The following ADGRL2 variants were observed in gnomAD, a reference collection of about 807,000 sequenced individuals.
ADGRL2 encodes calcium-independent alpha-latrotoxin receptor 2.
ADGRL2 carries 44 observed loss-of-function variants against 157.4 expected under a neutral mutation model. That is an observed-to-expected ratio of 0.28 (90% CI 0.22 to 0.36). ADGRL2 has a LOEUF of 0.36. Among genes scored for constraint, ADGRL2 ranks in the 10% least tolerant of loss-of-function variants. The pLI, the probability that ADGRL2 is intolerant of heterozygous loss-of-function variation, is 1.00. For synonymous variants in ADGRL2, 585 were observed against 624.7 expected (o/e 0.94, Z 0.95); for missense variants, 1,510 against 1,768.9 (o/e 0.85, Z 2.63).
At chr1:81,344,102 C>T (rs1393082697) in intron 1 of ADGRL2, among the ~76,000 whole-genome samples, 1 of 152,100 alleles carries the variant, frequency 6.6e-6, no homozygotes, top group African/African-American at 2.4e-5. Context: ...CAGAGTCTCC[C>T]TCTGTTTCCC....
intron 1 of ADGRL2, among the ~76,000 whole-genome samples, chr1:81,805,941 G>A (rs1478124281): frequency 6.6e-6 from 1 of 152,062 alleles, no homozygotes; most frequent in Non-Finnish European, 1.5e-5. Context: ...GGTGCAAAAT[G>A]TAGTGAAAAG....
chr1:81,822,824 T>C (rs1270657068), intron 1 of ADGRL2, among the ~76,000 whole-genome samples: 1 of 152,192 alleles, frequency 6.6e-6, no homozygotes, highest in Non-Finnish European at 1.5e-5. Context: ...ATTATTCTAC[T>C]GGATTTGGGC....
At chr1:81,451,026 A>G (rs1043025455) in intron 2 of ADGRL2, among the ~76,000 whole-genome samples, 3 of 151,752 alleles carry the variant, frequency 2.0e-5, no homozygotes, top group African/African-American at 7.3e-5. Context: ...TTACTTCCTA[A>G]TCTCTTCTCA....
chr1:81,828,476 A>C (rs745699910), intron 1 of ADGRL2, among the ~76,000 whole-genome samples: 4 of 151,956 alleles, frequency 2.6e-5, no homozygotes, highest in African/African-American at 9.7e-5. Context: ...ATTTTTCCTG[A>C]AAGTTTTCTG....
chr1:81,313,599 G>T (rs1179998468), intron 1 of ADGRL2, among the ~76,000 whole-genome samples: 1 of 152,118 alleles, frequency 6.6e-6, no homozygotes, highest in Non-Finnish European at 1.5e-5. Flanking sequence ...ACCAAAGTTC[G>T]AAAGGCAGAT....
At chr1:81,412,605 A>C (rs2101443505) in intron 1 of ADGRL2, among the ~76,000 whole-genome samples, 1 of 152,304 alleles carries the variant, frequency 6.6e-6, no homozygotes, top group Admixed American at 6.5e-5. Context: ...TCCATCTTCT[A>C]TGTCTTTCTA....
rs2082534399 is a variant in ADGRL2 at position 81,656,420 on chromosome 1, A to C, written c.-143+75440A>C. ...GACTGGCTCAGATTCTGAAGTATAGATAGACCAAGATTCACATTTTTGCCC... is the reference window on the plus strand; with the variant it reads ...GACTGGCTCAGATTCTGAAGTATAGCTAGACCAAGATTCACATTTTTGCCC... On this transcript the variant is annotated intron_variant, in intron 3 of 24. Coordinates refer to the ADGRL2 transcript ENST00000370721. 3.3e-5 allele frequency among the ~76,000 whole-genome samples: 5 copies of C among 152,320 alleles called. No individual in the cohort carries two copies. The South Asian group carries it at 8.3e-4, about 25-fold the overall frequency.
chr1:81,865,955 A>T (rs2093530691), intron 2 of ADGRL2, among the ~76,000 whole-genome samples: 1 of 152,124 alleles, frequency 6.6e-6, no homozygotes, highest in South Asian at 2.1e-4. Context: ...TAGGGATCTT[A>T]TTTTCTCCAT....
intron 3 of ADGRL2, among the ~76,000 whole-genome samples, chr1:81,607,984 C>A (rs977622777): frequency 6.6e-6 from 1 of 152,100 alleles, no homozygotes; most frequent in African/African-American, 2.4e-5. Flanking sequence ...CTTACTAAAG[C>A]GAAACACCTT....
chr1:81,918,403 A>G (rs1251150571), intron 3 of ADGRL2, among the ~76,000 whole-genome samples: 2 of 152,090 alleles, frequency 1.3e-5, no homozygotes, highest in Non-Finnish European at 2.9e-5. Context: ...TATATATATA[A>G]CATTAAGGGA....
intron 1 of ADGRL2, among the ~76,000 whole-genome samples, chr1:81,347,078 A>G (rs889804007): frequency 6.6e-6 from 1 of 152,162 alleles, no homozygotes; most frequent in African/African-American, 2.4e-5. Context: ...AGTCACAAAT[A>G]GAATGTTGGT....
At chr1:81,887,628 A>G (rs924821336) in intron 2 of ADGRL2, among the ~76,000 whole-genome samples, 1 of 152,220 alleles carries the variant, frequency 6.6e-6, no homozygotes, top group Non-Finnish European at 1.5e-5. Flanking sequence ...CCCAGTTCCA[A>G]CATTCCCGAG....
intron 3 of ADGRL2, among the ~76,000 whole-genome samples, chr1:81,590,406 A>C (rs1399458739): frequency 6.6e-6 from 1 of 152,000 alleles, no homozygotes; most frequent in Non-Finnish European, 1.5e-5. Flanking sequence ...GCCCACCCAC[A>C]CAGCAGCCAT....
chr1:81,899,670 G>A (rs920726718), intron 2 of ADGRL2, among the ~76,000 whole-genome samples: 1 of 152,114 alleles, frequency 6.6e-6, no homozygotes, highest in East Asian at 1.9e-4. Flanking sequence ...AATTGTCAGG[G>A]TTGCAAGATG....
At chr1:81,722,245 A>T in intron 1 of ADGRL2, 1 of 402,964 alleles carries the variant, frequency 2.5e-6, no homozygotes, top group South Asian at 2.1e-5. Context: ...GTGAGCGGAG[A>T]TCGCGCCACT....
chr1:81,703,778 G>T (rs1242407962), intron 1 of ADGRL2, among the ~76,000 whole-genome samples: 1 of 152,220 alleles, frequency 6.6e-6, no homozygotes, highest in African/African-American at 2.4e-5. Flanking sequence ...TGAGTAATGA[G>T]TCTGGACTTA....
chr1:81,402,701 T>A (rs77617948), intron 1 of ADGRL2, among the ~76,000 whole-genome samples: 10,245 of 152,264 alleles, frequency 0.067, 485 homozygotes, highest in East Asian at 0.21. Context: ...TTCTTAGTAT[T>A]ATATTTTGTC....
In ADGRL2 at chr1:81,768,221, A is replaced by T. The variant is rs115138722; in HGVS notation, c.-101+6369A>T. 6.8e-3 allele frequency among the ~76,000 whole-genome samples: 1,032 copies of T among 151,914 alleles called. 14 individuals carry two copies. The highest frequency in any genetic ancestry group is 0.024 in the African/African-American group (983 of 41,444). On this transcript the variant is annotated intron_variant, in intron 2 of 20. Transcript: ENST00000359929. Reference sequence around the variant, plus strand: ...CCACCACAACCAGTTAATTCTTAAAATTTTTTGTGTAGACAGGGGTCTCAC... The same window carrying T: ...CCACCACAACCAGTTAATTCTTAAATTTTTTTGTGTAGACAGGGGTCTCAC...
chr1:81,400,199 G>A lies in ADGRL2; in HGVS notation c.-301-44837G>A, dbSNP rs1043897821. On this transcript the variant is annotated intron_variant, in intron 1 of 24. Coordinates refer to the ADGRL2 transcript ENST00000370721. Reference sequence around the variant, plus strand: ...CCCCCAGTGGAAAGTCTTATCTTAGGGTATGCCAATTGTCTGGTCTGACAT... The same window carrying A: ...CCCCCAGTGGAAAGTCTTATCTTAGAGTATGCCAATTGTCTGGTCTGACAT... 3.3e-5 allele frequency among the ~76,000 whole-genome samples: 5 copies of A among 151,972 alleles called. No homozygotes were observed. In the South Asian group the frequency reaches 1.0e-3, roughly 32 times the overall value.
Sources: gnomAD v4.1 joint callset for allele counts (sites outside exome capture counted in the v4.1 genomes callset) on GRCh38, gnomAD v4.1.1 for gene constraint, MANE v1.5 for transcripts, NCBI Gene and HGNC (gene_info 2026-07-23, HGNC 2026-07-21) for gene names.